Variants in SWAP70 observed in about 807,000 individuals in gnomAD.
The protein encoded by SWAP70 is switching B cell complex subunit SWAP70.
A neutral mutation model predicts 80.2 loss-of-function variants in SWAP70; 34 were observed. The observed-to-expected ratio is 0.42, with a 90% CI of 0.32 to 0.56. The LOEUF (loss-of-function observed/expected upper bound fraction) is 0.56. Among genes scored for constraint, SWAP70 ranks in the 20% least tolerant of loss-of-function variants. The pLI is 0.09. For missense variants in SWAP70, 578 were observed against 690.7 expected (o/e 0.84, Z 1.83); for synonymous variants, 239 against 238.5 (o/e 1.00, Z -0.02).
At chr11:9,718,977 G>A (rs982388361) in intron 3 of SWAP70, among the ~76,000 whole-genome samples, 2 of 150,310 alleles carry the variant, frequency 1.3e-5, no homozygotes, top group Admixed American at 6.7e-5. Context: ...GCACATGCCT[G>A]AAGTCTCAGC....
chr11:9,729,265 C>G, intron 5 of SWAP70, 78 bp from the exon 6 acceptor site: 1 of 900,492 alleles, frequency 1.1e-6, no homozygotes, highest in South Asian at 1.5e-5. Flanking sequence ...AGTTTCAGCT[C>G]ATTTTTATAA....
chr11:9,733,133 A>C (rs1322215839), intron 7 of SWAP70, among the ~76,000 whole-genome samples: 1 of 152,042 alleles, frequency 6.6e-6, no homozygotes, highest in Non-Finnish European at 1.5e-5. Flanking sequence ...AGTTTTACCT[A>C]CTGTTTGGAG....
At chr11:9,705,487 C>G (rs1207242641) in intron 2 of SWAP70, among the ~76,000 whole-genome samples, 1 of 134,268 alleles carries the variant, frequency 7.4e-6, no homozygotes, top group Non-Finnish European at 1.5e-5. Context: ...TCTGTATACA[C>G]TGGTGATCTG....
chr11:9,696,955 T>C (rs1441540879), intron 2 of SWAP70, among the ~76,000 whole-genome samples: 1 of 152,174 alleles, frequency 6.6e-6, no homozygotes, highest in Admixed American at 6.5e-5. Flanking sequence ...CTTATATCTG[T>C]AATACCAGCA....
chr11:9,707,475 T>C (rs1288397497), intron 2 of SWAP70, among the ~76,000 whole-genome samples: 1 of 152,156 alleles, frequency 6.6e-6, no homozygotes, highest in African/African-American at 2.4e-5. Flanking sequence ...TTCCCTATTG[T>C]CACCTATGAG....
chr11:9,746,353 C>T (rs1435030185), intron 9 of SWAP70, among the ~76,000 whole-genome samples: 1 of 152,182 alleles, frequency 6.6e-6, no homozygotes, highest in South Asian at 2.1e-4. Context: ...GTCCATTCCC[C>T]CTCCATACTT....
At chr11:9,682,428 G>A (rs755607671) in intron 1 of SWAP70, among the ~76,000 whole-genome samples, 5 of 152,190 alleles carry the variant, frequency 3.3e-5, no homozygotes, top group Non-Finnish European at 7.3e-5. Context: ...GATCTCATTT[G>A]GATCTTTTGG....
At position 9,664,170 on chromosome 11, in the gene SWAP70, G is replaced by A. The variant is rs1213087940; in HGVS notation, c.-10G>A. The A allele has an allele frequency of 6.4e-7, 1 of 1,563,980 alleles. No individual in the cohort carries two copies. The highest frequency in any genetic ancestry group is 8.6e-7 in the Non-Finnish European group (1 of 1,157,372). On this transcript the variant is annotated 5_prime_UTR_variant, in exon 1 of 12. Transcript: ENST00000318950. ...GCAGGAGGGGTTGGCGGGGCAGCAG[G>A]GCCGCGGCCATGGGGAGCTTGAAGG...
chr11:9,726,870 C>A (rs756671095), intron 4 of SWAP70: 1 of 456,166 alleles, frequency 2.2e-6, no homozygotes, highest in South Asian at 1.5e-5. Flanking sequence ...CATTTAGAAG[C>A]CAGTATTTGA....
At chr11:9,678,189 T>C (rs1286901558) in intron 1 of SWAP70, among the ~76,000 whole-genome samples, 2 of 152,194 alleles carry the variant, frequency 1.3e-5, no homozygotes, top group Non-Finnish European at 2.9e-5. Flanking sequence ...AAAGGTTCTA[T>C]TGAGGAACAA....
intron 2 of SWAP70, among the ~76,000 whole-genome samples, chr11:9,695,439 C>A (rs955824363): frequency 5.3e-5 from 8 of 151,972 alleles, no homozygotes; most frequent in Admixed American, 3.3e-4. Flanking sequence ...ACTATGCTGC[C>A]CTAAAAAAGA....
chr11:9,710,661 T>C (rs560447642), intron 2 of SWAP70, among the ~76,000 whole-genome samples: 1 of 152,050 alleles, frequency 6.6e-6, no homozygotes, highest in East Asian at 1.9e-4. Context: ...ATATGGCTTT[T>C]TTTTTTTTAA....
intron 1 of SWAP70, among the ~76,000 whole-genome samples, chr11:9,689,145 C>G (rs1177064091): frequency 2.0e-5 from 3 of 152,122 alleles, no homozygotes; most frequent in Admixed American, 6.5e-5. Context: ...TAAAGGGAAA[C>G]AGTGTGTTAC....
At chr11:9,735,324 G>A (rs1851349500) in intron 7 of SWAP70, among the ~76,000 whole-genome samples, 1 of 152,126 alleles carries the variant, frequency 6.6e-6, no homozygotes, top group Non-Finnish European at 1.5e-5. Context: ...TTTCATATCA[G>A]TATAAAGAGA....
At chr11:9,747,106 T>G (rs767699811) in intron 9 of SWAP70, among the ~76,000 whole-genome samples, 1 of 152,244 alleles carries the variant, frequency 6.6e-6, no homozygotes, top group Non-Finnish European at 1.5e-5. Context: ...GTTAGTTTAT[T>G]TAAACAACTA....
chr11:9,741,583 T>C (rs1031811868), intron 9 of SWAP70: 3 of 152,206 alleles, frequency 2.0e-5, no homozygotes, highest in African/African-American at 4.8e-5. Context: ...TAGATTGTTT[T>C]TGTGCAAAGA....
chr11:9,740,330 G>A lies in SWAP70; in HGVS notation c.1338G>A (p.Val446=), dbSNP rs1442011440. The change falls in exon 9 of 12, where the codon GTG becomes GTA. Residue 446 remains valine, a synonymous_variant. Coordinates refer to ENST00000318950, the MANE Select transcript of SWAP70 (RefSeq NM_015055.4). The part of the protein sequence containing the change: ...ERQARQDEET[V]RKLQARLLEE... ...AGGCCCGGCAAGATGAAGAGACAGTGCGGAAGCTTCAGGCCAGGTGCCAGA... is the reference window on the plus strand; with the variant it reads ...AGGCCCGGCAAGATGAAGAGACAGTACGGAAGCTTCAGGCCAGGTGCCAGA... 1.9e-6 allele frequency: 3 copies of A among 1,614,102 alleles called. No individual in the cohort carries two copies. In the African/African-American group the frequency reaches 4.0e-5, roughly 22 times the overall value.
At chr11:9,687,264 C>T (rs1348217272) in intron 1 of SWAP70, among the ~76,000 whole-genome samples, 4 of 152,144 alleles carry the variant, frequency 2.6e-5, no homozygotes, top group Non-Finnish European at 5.9e-5. Flanking sequence ...TAAAGGCATT[C>T]TTAGTAGAGA....
intron 10 of SWAP70, among the ~76,000 whole-genome samples, chr11:9,748,324 G>C (rs542351336): frequency 5.1e-4 from 77 of 152,200 alleles, no homozygotes; most frequent in Non-Finnish European, 9.8e-4. Context: ...TGTAAAGAAG[G>C]CTTTGAGAAT....
Sources: allele counts gnomAD v4.1 joint callset (sites outside exome capture counted in the v4.1 genomes callset), GRCh38; gene constraint gnomAD v4.1.1; transcripts MANE v1.5; gene names NCBI Gene and HGNC (gene_info 2026-07-23, HGNC 2026-07-21).